KCNH1: variants seen among roughly 807,000 people sequenced by gnomAD.
The protein encoded by KCNH1 is voltage-gated delayed rectifier potassium channel KCNH1.
In KCNH1, 27 loss-of-function variants were observed where a neutral mutation model predicts 69.2. The ratio of observed to expected loss-of-function variants is 0.39; its 90% CI spans 0.29 to 0.54. The LOEUF (loss-of-function observed/expected upper bound fraction) is 0.54, where lower values mean the gene tolerates loss of function less well. Ranked by LOEUF, KCNH1 falls within the 20% of genes least tolerant of loss-of-function variation. The pLI is 0.68. For missense variants in KCNH1, 798 were observed against 1,261.6 expected (o/e 0.63, Z 5.57); for synonymous variants, 456 against 487.7 (o/e 0.93, Z 0.86).
intron 10 of KCNH1, among the ~76,000 whole-genome samples, chr1:210,754,619 T>C (rs1347289462): frequency 1.3e-5 from 2 of 152,128 alleles, no homozygotes; most frequent in South Asian, 2.1e-4. Context: ...CCCAACTCTC[T>C]CTATTGCTCC....
At chr1:211,083,076 G>T in intron 4 of KCNH1, among the ~76,000 whole-genome samples, 178 bp from the exon 5 acceptor site, 1 of 152,194 alleles carries the variant, frequency 6.6e-6, no homozygotes, top group East Asian at 1.9e-4. Context: ...CTTGTGTGTC[G>T]CAACTTGCTT....
intron 3 of KCNH1, among the ~76,000 whole-genome samples, chr1:211,100,676 C>A (rs536929983): frequency 6.6e-6 from 1 of 152,158 alleles, no homozygotes; most frequent in Non-Finnish European, 1.5e-5. Context: ...TATTTATTTA[C>A]TCCATGAGTT....
At chr1:210,869,222 T>C (rs1385959706) in intron 7 of KCNH1, among the ~76,000 whole-genome samples, 1 of 152,112 alleles carries the variant, frequency 6.6e-6, no homozygotes, top group African/African-American at 2.4e-5. Context: ...AATTTGATCA[T>C]GAACTCCTTT....
At chr1:210,715,531 A>AC (rs1682208233) in intron 10 of KCNH1, among the ~76,000 whole-genome samples, 1 of 150,780 alleles carries the variant, frequency 6.6e-6, no homozygotes, top group Non-Finnish European at 1.5e-5. Context: ...AAAAAAAAAA[A>AC]CGTAATGGGA....
intron 1 of KCNH1, among the ~76,000 whole-genome samples, chr1:211,124,709 A>G (rs573557989): frequency 6.6e-6 from 1 of 152,326 alleles, no homozygotes; most frequent in East Asian, 1.9e-4. Context: ...AAAATATGAC[A>G]TACTCAATGG....
At position 211,018,962 on chromosome 1, in the gene KCNH1, T is replaced by G; in HGVS notation, c.853A>C (p.Lys285Gln). ...GPAGEVISDPKLIRMNYLKTW... is the reference protein window; with the variant it reads ...GPAGEVISDPQLIRMNYLKTW... ...TTCAGGTAGTTCATGCGGATAAGTT[T>G]GGGGTCAGAAATCACCTCCCCTGCT... Residue 285 changes from lysine (K) to glutamine (Q), a missense_variant, in exon 6 of 11, where the codon AAA becomes CAA. Lys to Gln is a moderately conservative substitution (Grantham distance 53, BLOSUM62 1). This residue lies in a region of KCNH1 where 266 missense variants were observed against 457.2 expected (regional missense o/e 0.58). Coordinates refer to ENST00000271751, the MANE Select transcript of KCNH1 (RefSeq NM_172362.3). 1 of 1,614,060 alleles carries G rather than the reference T, an allele frequency of 6.2e-7. No homozygotes were observed. The highest frequency in any genetic ancestry group is 2.2e-5 in the East Asian group (1 of 44,878).
intron 6 of KCNH1, among the ~76,000 whole-genome samples, chr1:210,988,661 C>A (rs777931032): frequency 6.6e-5 from 10 of 152,116 alleles, no homozygotes; most frequent in Non-Finnish European, 8.8e-5. Flanking sequence ...CTTGGGGAAC[C>A]AGAATTGGAA....
At chr1:211,000,953 T>C (rs1036481275) in intron 6 of KCNH1, among the ~76,000 whole-genome samples, 2 of 152,048 alleles carry the variant, frequency 1.3e-5, no homozygotes, top group African/African-American at 4.8e-5. Context: ...GAAAACTGGC[T>C]AGCCATATGT....
chr1:210,700,275 A>T (rs76355834), intron 10 of KCNH1, among the ~76,000 whole-genome samples: 1 of 152,336 alleles, frequency 6.6e-6, no homozygotes, highest in East Asian at 1.9e-4. Flanking sequence ...TATCTTTGGT[A>T]TAGGGAGCAG....
chr1:210,685,190 A>G (rs555418831), intron 10 of KCNH1, among the ~76,000 whole-genome samples: 41 of 152,312 alleles, frequency 2.7e-4, no homozygotes, highest in African/African-American at 8.9e-4. Context: ...TCTAGCTTAC[A>G]TTGCATGTGG....
At chr1:210,998,836 C>G (rs1211421251) in intron 6 of KCNH1, among the ~76,000 whole-genome samples, 1 of 152,186 alleles carries the variant, frequency 6.6e-6, no homozygotes, top group African/African-American at 2.4e-5. Context: ...AGCAATCAAA[C>G]TAGAATTCAG....
At chr1:210,694,186 A>G (rs1213919211) in intron 10 of KCNH1, among the ~76,000 whole-genome samples, 1 of 150,570 alleles carries the variant, frequency 6.6e-6, no homozygotes, top group East Asian at 1.9e-4. Context: ...AATGAAGACC[A>G]TGCCGGTAAA....
chr1:210,803,757 T>C (rs1047320799), intron 8 of KCNH1, among the ~76,000 whole-genome samples: 5 of 152,196 alleles, frequency 3.3e-5, no homozygotes, highest in Non-Finnish European at 7.4e-5. Context: ...ACCCTGCCTT[T>C]CTAATTTCTT....
At chr1:210,933,030 T>C (rs565121123) in intron 6 of KCNH1, among the ~76,000 whole-genome samples, 6 of 152,260 alleles carry the variant, frequency 3.9e-5, no homozygotes, top group African/African-American at 1.4e-4. Context: ...TTTACCCACA[T>C]TTCATCCAAC....
chr1:210,771,166 T>C (rs1683746173), intron 10 of KCNH1, among the ~76,000 whole-genome samples: 1 of 152,200 alleles, frequency 6.6e-6, no homozygotes, highest in South Asian at 2.1e-4. Context: ...AAAAAGCGCA[T>C]AGACCTTGCA....
chr1:210,850,436 G>A (rs1470690184), intron 7 of KCNH1, among the ~76,000 whole-genome samples: 3 of 152,152 alleles, frequency 2.0e-5, no homozygotes, highest in Admixed American at 6.5e-5. Context: ...GCTTGAATCC[G>A]GGAGGCGGAG....
intron 10 of KCNH1, among the ~76,000 whole-genome samples, chr1:210,711,228 C>T (rs1056608682): frequency 2.0e-5 from 3 of 152,216 alleles, no homozygotes; most frequent in Admixed American, 6.5e-5. Flanking sequence ...GCCATCATAC[C>T]TGGCCTGCCA....
In KCNH1 at chr1:211,133,749, G is replaced by T. The variant is rs967880344; in HGVS notation, c.79+118C>A. 1 of 886,432 alleles carries T rather than the reference G, an allele frequency of 1.1e-6. No individual in the cohort carries two copies. Among genetic ancestry groups the T allele is most frequent in the Non-Finnish European group, 1.7e-6 (1 of 573,816 alleles). The allele number at this position is 886,432 out of a possible 1,614,324, so 54.9% of individuals were successfully genotyped here. A position where few individuals can be genotyped will look rare whatever the true frequency, so the allele number is the denominator to read the frequency against. ...AGGCTGCCCTGGGTGCCCGCGCCGC[G>T]GCTCCTTAGCAGAGCTCGCGGGTTC... On this transcript the variant is annotated intron_variant, in intron 1 of 10. Coordinates refer to ENST00000271751, the MANE Select transcript of KCNH1 (RefSeq NM_172362.3). The surrounding 1 kb of genome is among the most constrained non-coding windows in gnomAD (Gnocchi z 5.4).
rs923044285 is a variant in KCNH1, at chr1:210,919,519, TA to T, written c.1462+120del. 8 of 994,522 alleles carry T rather than the reference TA, an allele frequency of 8.0e-6. No homozygotes were observed. The highest frequency in any genetic ancestry group is 2.2e-5 in the Admixed American group (1 of 44,710). The allele number at this position is 994,522 out of a possible 1,614,324, so 61.6% of individuals were successfully genotyped here. ...ATCAGGGTAACTGTAAGCCTAGTCT[TA>T]AAAAAACTCTTCCTTGTTTTAAGTT... On this transcript the variant is annotated intron_variant, in intron 7 of 10. Transcript: ENST00000271751. The surrounding 1 kb of genome is among the most constrained non-coding windows in gnomAD (Gnocchi z 4.2).
Sources: allele counts gnomAD v4.1 joint callset (sites outside exome capture counted in the v4.1 genomes callset), GRCh38; gene constraint gnomAD v4.1.1; regional missense constraint gnomAD v4.1.1; non-coding constraint Gnocchi (gnomAD v3.1); transcripts MANE v1.5; gene names NCBI Gene and HGNC (gene_info 2026-07-23, HGNC 2026-07-21).